Variants in YEATS4 observed in about 807,000 individuals in gnomAD.
YEATS4 encodes YEATS domain-containing protein 4.
YEATS4 carries 17 observed loss-of-function variants against 30.1 expected under a neutral mutation model. That is an observed-to-expected ratio of 0.56 (90% CI 0.39 to 0.85). YEATS4 has a LOEUF of 0.85. YEATS4 is among the 40% of genes least tolerant of loss of function. YEATS4 has a pLI of 0.00. For synonymous variants in YEATS4, 85 were observed against 87.5 expected, an observed-to-expected ratio of 0.97 and a Z score of 0.16; for missense variants, 142 against 268.3, an observed-to-expected ratio of 0.53 and a Z score of 3.29.
At chr12:69,400,836 C>T in the YEATS4 span, 2 of 152,104 alleles carry the variant, frequency 1.3e-5, no homozygotes, top group African/African-American at 4.8e-5. Flanking sequence ...GAACTTGGTA[C>T]TCATACATTG....
chr12:69,370,687 A>G lies in YEATS4; in HGVS notation c.334-19A>G, dbSNP rs1236487905. ...ATAAAAACCATTGCACAGATTTGAC[A>G]TCTGTTTCTATTTCACAGGTAACCC... On this transcript the variant is annotated intron_variant, in intron 4 of 6. Coordinates refer to ENST00000247843, the MANE Select transcript of YEATS4 (RefSeq NM_006530.4). 6.6e-7 allele frequency: 1 copy of G among 1,523,398 alleles called. No individual in the cohort carries two copies. The highest frequency in any genetic ancestry group is 2.3e-5 in the Admixed American group (1 of 42,678). The allele number at this position is 1,523,398 out of a possible 1,614,324, so 94.4% of individuals were successfully genotyped here. A position where few individuals can be genotyped will look rare whatever the true frequency, so the allele number is the denominator to read the frequency against.
intron 6 of YEATS4, among the ~76,000 whole-genome samples, chr12:69,388,063 ATT>A (rs66970417): frequency 6.3e-5 from 9 of 143,464 alleles, no homozygotes; most frequent in African/African-American, 1.0e-4. Flanking sequence ...TTTTATTTTT[ATT>A]TTTTTTTTTT....
intron 6 of YEATS4, 35 bp from the exon 7 acceptor site, chr12:69,390,112 A>G: frequency 1.3e-6 from 2 of 1,532,580 alleles, no homozygotes; most frequent in Non-Finnish European, 8.8e-7. Context: ...AACATGTGAG[A>G]AAAATACTTT....
At chr12:69,360,129 C>G (rs1040822703) in intron 1 of YEATS4, 106 bp downstream of exon 1, 2 of 1,272,550 alleles carry the variant, frequency 1.6e-6, no homozygotes, top group African/African-American at 1.5e-5. Flanking sequence ...CTTTTCTCCT[C>G]GGGTTTGAAC....
At chr12:69,417,341 G>T in the YEATS4 span, among the ~76,000 whole-genome samples, 1 of 150,664 alleles carries the variant, frequency 6.6e-6, no homozygotes, top group South Asian at 2.1e-4. Flanking sequence ...TTGATGTTTT[G>T]TTGAGAGAGC....
At chr12:69,362,731 C>T in intron 1 of YEATS4, 57 bp from the exon 2 acceptor site, 2 of 1,365,968 alleles carry the variant, frequency 1.5e-6, no homozygotes, top group Non-Finnish European at 9.8e-7. Context: ...AGCTCTTATT[C>T]TGCATATTTA....
Position 69,359,839 on chromosome 12 carries a change from A to C in YEATS4, c.-134A>C. ...ACGGTTACTCACCGCCGTGAGCCCA[A>C]GTAACTCGCCCTCCTTCGGCTAGAA... On this transcript the variant is annotated 5_prime_UTR_variant, in exon 1 of 7. Coordinates refer to ENST00000247843, the MANE Select transcript of YEATS4 (RefSeq NM_006530.4). The C allele has an allele frequency of 9.2e-7, 1 of 1,081,146 alleles. No individual in the cohort carries two copies. The highest frequency in any genetic ancestry group is 1.6e-5 in the South Asian group (1 of 63,766). The allele number at this position is 1,081,146 out of a possible 1,614,324, so 67.0% of individuals were successfully genotyped here.
chr12:69,392,547 A>G (rs1306929030), downstream of YEATS4, among the ~76,000 whole-genome samples: 1 of 152,236 alleles, frequency 6.6e-6, no homozygotes. Context: ...CCATTCTTTT[A>G]TAAGTGGAAA....
intron 6 of YEATS4, among the ~76,000 whole-genome samples, chr12:69,388,654 T>G (rs1370607708): frequency 2.6e-5 from 4 of 152,278 alleles, no homozygotes; most frequent in African/African-American, 9.6e-5. Flanking sequence ...AGATGTGTCC[T>G]GTTTTGCAGT....
intron 6 of YEATS4, among the ~76,000 whole-genome samples, chr12:69,374,669 A>ACAG (rs2120980521): frequency 1.2e-5 from 1 of 84,576 alleles, no homozygotes; most frequent in East Asian, 3.5e-4. Context: ...TAACCCTTAC[A>ACAG]CATGTTTCAG....
the YEATS4 span, among the ~76,000 whole-genome samples, chr12:69,415,606 C>T: frequency 6.6e-6 from 1 of 152,080 alleles, no homozygotes; most frequent in African/African-American, 2.4e-5. Flanking sequence ...GACCCAGTGA[C>T]AGTAACAATT....
At chr12:69,416,267 A>G in the YEATS4 span, among the ~76,000 whole-genome samples, 1 of 152,108 alleles carries the variant, frequency 6.6e-6, no homozygotes, top group African/African-American at 2.4e-5. Context: ...ACAACAAACA[A>G]CTTAGAGGCT....
chr12:69,422,764 A>C, the YEATS4 span: 1 of 153,554 alleles, frequency 6.5e-6, no homozygotes, highest in Non-Finnish European at 1.5e-5. Context: ...AAGGCCATTA[A>C]GTTCGTCATT....
chr12:69,401,313 T>G, the YEATS4 span: 1 of 152,214 alleles, frequency 6.6e-6, no homozygotes, highest in Non-Finnish European at 1.5e-5. Context: ...AAAATAGATA[T>G]AAACCAAATG....
chr12:69,395,737 G>C (rs928084621), downstream of YEATS4, among the ~76,000 whole-genome samples: 1 of 152,164 alleles, frequency 6.6e-6, no homozygotes, highest in African/African-American at 2.4e-5. Context: ...ACAGTTCAAA[G>C]AAATTAAACA....
At chr12:69,380,220 T>G (rs1455905507) in intron 6 of YEATS4, among the ~76,000 whole-genome samples, 1 of 152,224 alleles carries the variant, frequency 6.6e-6, no homozygotes, top group Non-Finnish European at 1.5e-5. Context: ...CTAGGTTTGT[T>G]GTACCTGTCC....
At chr12:69,367,855 TG>T (rs1283514675) in intron 4 of YEATS4, among the ~76,000 whole-genome samples, 1 of 152,186 alleles carries the variant, frequency 6.6e-6, no homozygotes, top group Non-Finnish European at 1.5e-5. Context: ...TTTTTAACTT[TG>T]TAAGATTGCT....
At chr12:69,417,927 G>C in the YEATS4 span, among the ~76,000 whole-genome samples, 2 of 150,886 alleles carry the variant, frequency 1.3e-5, no homozygotes, top group Non-Finnish European at 2.9e-5. Context: ...TGCTGATGGG[G>C]AAATCTTTTC....
chr12:69,367,594 G>A (rs1482363538), intron 4 of YEATS4, among the ~76,000 whole-genome samples: 1 of 152,114 alleles, frequency 6.6e-6, no homozygotes, highest in Non-Finnish European at 1.5e-5. Flanking sequence ...TCAAACTCCT[G>A]GGCTCAAGCA....
Sources: allele counts gnomAD v4.1 joint callset (sites outside exome capture counted in the v4.1 genomes callset), GRCh38; gene constraint gnomAD v4.1.1; transcripts MANE v1.5; gene names NCBI Gene and HGNC (gene_info 2026-07-23, HGNC 2026-07-21).